Variants in EEFSEC observed in about 807,000 individuals in gnomAD.
The protein encoded by EEFSEC is selenocysteine-specific elongation factor.
Under a neutral mutation model 42.1 loss-of-function variants are expected in EEFSEC, and 43 were observed. The ratio of observed to expected loss-of-function variants is 1.02; its 90% CI spans 0.80 to 1.32. EEFSEC has a LOEUF of 1.32. EEFSEC is among the 40% of genes most tolerant of loss of function. The probability of loss-of-function intolerance (pLI) is 0.00; values close to 1 mark genes in which losing one functional copy is unlikely to be tolerated. For synonymous variants in EEFSEC, 354 were observed against 339.1 expected (o/e 1.04, Z -0.48); for missense variants, 745 against 803.6 (o/e 0.93, Z 0.88).
chr3:128,422,984 C>A, the EEFSEC span, among the ~76,000 whole-genome samples: 1 of 152,238 alleles, frequency 6.6e-6, no homozygotes, highest in African/African-American at 2.4e-5. Context: ...CCACACCAAC[C>A]ATGGCAGCTT....
At chr3:128,411,743 TG>T (rs1374073747), downstream of EEFSEC, among the ~76,000 whole-genome samples, 2 of 152,202 alleles carry the variant, frequency 1.3e-5, no homozygotes, top group Non-Finnish European at 2.9e-5. Flanking sequence ...GAGACTCTGA[TG>T]GAAACAGGCT....
chr3:128,395,734 A>G (rs7642481), intron 6 of EEFSEC, among the ~76,000 whole-genome samples: 2,259 of 152,294 alleles, frequency 0.015, 52 homozygotes, highest in African/African-American at 0.051. Context: ...AACGGGGCCC[A>G]GCAGAGGGCT....
Position 128,279,166 on chromosome 3 carries a change from G to A in EEFSEC, c.786+14385G>A, listed in dbSNP as rs908324029. ...TACGGCGGCGGCGTTGGGCAGTGGC[G>A]GCCATCTCCCGCCCAGCTTAGTACA... On this transcript the variant is annotated intron_variant, in intron 4 of 6. Transcript: ENST00000254730. Among the ~76,000 whole-genome samples, 14 of 152,334 alleles carry A rather than the reference G, an allele frequency of 9.2e-5. 1 individual carries two copies. The highest frequency in any genetic ancestry group is 3.4e-3 in the Middle Eastern group (1 of 294).
At position 128,213,224 on chromosome 3, in the gene EEFSEC, G is replaced by A. The variant is rs543866948; in HGVS notation, c.317-33612G>A. On this transcript the variant is annotated intron_variant, in intron 1 of 6. Coordinates refer to ENST00000254730, the MANE Select transcript of EEFSEC (RefSeq NM_021937.5). Reference sequence around the variant, plus strand: ...GGCCTGGGCAAACCTTTCGTCTTCCGGATCTTAGGCTCCTCACCTGGAACA... The same window carrying A: ...GGCCTGGGCAAACCTTTCGTCTTCCAGATCTTAGGCTCCTCACCTGGAACA... Among the ~76,000 whole-genome samples, 518 of 152,246 alleles carry A rather than the reference G, an allele frequency of 3.4e-3. 3 individuals are homozygous for A. The highest frequency in any genetic ancestry group is 5.9e-3 in the Non-Finnish European group (400 of 68,014).
chr3:128,414,188 G>T, the EEFSEC span, among the ~76,000 whole-genome samples: 1 of 152,194 alleles, frequency 6.6e-6, no homozygotes, highest in Non-Finnish European at 1.5e-5. Context: ...TGGGACCCCC[G>T]GGCAACCTAC....
At chr3:128,391,762 C>A (rs1015665256) in intron 6 of EEFSEC, among the ~76,000 whole-genome samples, 3 of 152,230 alleles carry the variant, frequency 2.0e-5, no homozygotes, top group African/African-American at 7.2e-5. Context: ...GCATAGCGGC[C>A]CCACCTGGCC....
chr3:128,207,875 GCCA>G (rs1304383780), intron 1 of EEFSEC, among the ~76,000 whole-genome samples: 1 of 152,142 alleles, frequency 6.6e-6, no homozygotes, highest in East Asian at 1.9e-4. Flanking sequence ...TCATCTGGCT[GCCA>G]AATGAACTTC....
the EEFSEC span, among the ~76,000 whole-genome samples, chr3:128,423,035 C>T: frequency 8.9e-4 from 136 of 152,342 alleles, no homozygotes; most frequent in African/African-American, 3.2e-3. Context: ...CCAGTGAGAC[C>T]TGCAGGAAGG....
chr3:128,389,801 T>C (rs543738549), intron 6 of EEFSEC, among the ~76,000 whole-genome samples: 171 of 152,328 alleles, frequency 1.1e-3, no homozygotes, highest in Non-Finnish European at 2.0e-3. Flanking sequence ...CTGAGGCTGC[T>C]CCAGCAGAAT....
At chr3:128,366,380 C>T (rs1199514320) in intron 6 of EEFSEC, among the ~76,000 whole-genome samples, 2 of 152,228 alleles carry the variant, frequency 1.3e-5, no homozygotes, top group Non-Finnish European at 2.9e-5. Flanking sequence ...TCAGCTGCTG[C>T]CCATGCCCTG....
intron 4 of EEFSEC, among the ~76,000 whole-genome samples, chr3:128,275,914 G>T (rs1169996904): frequency 6.6e-6 from 1 of 152,182 alleles, no homozygotes; most frequent in African/African-American, 2.4e-5. Flanking sequence ...TGTAGGCCAC[G>T]CCTTGTGATG....
chr3:128,244,921 G>A (rs1163555610), intron 1 of EEFSEC, among the ~76,000 whole-genome samples: 1 of 152,152 alleles, frequency 6.6e-6, no homozygotes, highest in Admixed American at 6.5e-5. Context: ...TTAAATGGGT[G>A]TATAGTATTC....
At chr3:128,244,206 T>C (rs1285325640) in intron 1 of EEFSEC, among the ~76,000 whole-genome samples, 1 of 152,210 alleles carries the variant, frequency 6.6e-6, no homozygotes, top group Non-Finnish European at 1.5e-5. Flanking sequence ...TCATCCTGCC[T>C]CAAGACCCAG....
intron 4 of EEFSEC, among the ~76,000 whole-genome samples, chr3:128,315,557 A>C (rs1038757948): frequency 1.3e-5 from 2 of 152,200 alleles, no homozygotes; most frequent in Admixed American, 6.5e-5. Flanking sequence ...GCCAGAAGCC[A>C]GGGCCTGAGC....
At chr3:128,283,144 C>T (rs935984414) in intron 4 of EEFSEC, among the ~76,000 whole-genome samples, 2 of 152,334 alleles carry the variant, frequency 1.3e-5, no homozygotes, top group South Asian at 4.1e-4. Context: ...GCTCCCTTGC[C>T]CCTTTGGGGC....
intron 4 of EEFSEC, among the ~76,000 whole-genome samples, chr3:128,315,044 GC>G (rs1318530578): frequency 3.3e-5 from 5 of 152,192 alleles, no homozygotes; most frequent in Admixed American, 6.5e-5. Context: ...ACACACAGGA[GC>G]CCACACTTAC....
chr3:128,277,346 C>A (rs1212228569), intron 4 of EEFSEC, among the ~76,000 whole-genome samples: 2 of 152,124 alleles, frequency 1.3e-5, no homozygotes, highest in Non-Finnish European at 2.9e-5. Context: ...AATGAGATGC[C>A]TTATTTAAAA....
At chr3:128,342,980 C>T (rs75139573) in intron 5 of EEFSEC, among the ~76,000 whole-genome samples, 2,272 of 152,376 alleles carry the variant, frequency 0.015, 57 homozygotes, top group African/African-American at 0.05. Context: ...GGATCAGCAG[C>T]AGCTGTACTG....
chr3:128,225,296 G>A (rs758322219), intron 1 of EEFSEC, among the ~76,000 whole-genome samples: 1 of 151,734 alleles, frequency 6.6e-6, no homozygotes, highest in East Asian at 1.9e-4. Flanking sequence ...CCCCAGCCCT[G>A]GGTCAGTGTC....
Sources: allele counts gnomAD v4.1 joint callset (sites outside exome capture counted in the v4.1 genomes callset), GRCh38; gene constraint gnomAD v4.1.1; transcripts MANE v1.5; gene names NCBI Gene and HGNC (gene_info 2026-07-23, HGNC 2026-07-21).